CNTNAP2: variants seen among roughly 807,000 people sequenced by gnomAD.
CNTNAP2 encodes the protein contactin associated protein 2, also known as contactin-associated protein-like 2.
A neutral mutation model predicts 155.2 loss-of-function variants in CNTNAP2; 98 were observed. That is an observed-to-expected ratio of 0.63 (90% CI 0.54 to 0.75). The LOEUF is 0.75. Among genes scored for constraint, CNTNAP2 ranks in the 30% least tolerant of loss-of-function variants. The probability of loss-of-function intolerance (pLI) is 0.00; values close to 1 mark genes in which losing one functional copy is unlikely to be tolerated. For missense variants in CNTNAP2, 1,727 were observed against 1,688.1 expected (o/e 1.02, Z -0.40); for synonymous variants, 651 against 631.2 (o/e 1.03, Z -0.47).
chr7:146,586,369 G>A (rs564291269), intron 1 of CNTNAP2, among the ~76,000 whole-genome samples: 1 of 152,236 alleles, frequency 6.6e-6, no homozygotes, highest in African/African-American at 2.4e-5. Context: ...TAATCAAAGT[G>A]TAATAAATTA....
chr7:147,493,671 T>C (rs1798646653), intron 11 of CNTNAP2, among the ~76,000 whole-genome samples: 2 of 152,194 alleles, frequency 1.3e-5, no homozygotes, highest in African/African-American at 4.8e-5. Flanking sequence ...TTCACCAGGA[T>C]TGTGATCTAG....
At chr7:147,775,317 A>ATG (rs1797557671) in intron 13 of CNTNAP2, among the ~76,000 whole-genome samples, 1 of 43,060 alleles carries the variant, frequency 2.3e-5, no homozygotes, top group Non-Finnish European at 3.5e-5. Flanking sequence ...ATAAATATAT[A>ATG]TATATTTATA....
At chr7:148,057,183 C>T (rs1803032570) in intron 15 of CNTNAP2, among the ~76,000 whole-genome samples, 1 of 152,090 alleles carries the variant, frequency 6.6e-6, no homozygotes, top group Admixed American at 6.5e-5. Flanking sequence ...TCACAGGCGT[C>T]GTAAACCCTC....
intron 15 of CNTNAP2, among the ~76,000 whole-genome samples, chr7:148,051,007 C>T (rs1304510227): frequency 6.6e-6 from 1 of 152,152 alleles, no homozygotes; most frequent in Non-Finnish European, 1.5e-5. Context: ...GAGACACACT[C>T]CTCAGAATAC....
In CNTNAP2 at chr7:146,608,801, T is replaced by C. The variant is rs964543321; in HGVS notation, c.98-165470T>C. Among the ~76,000 whole-genome samples the C allele has an allele frequency of 3.3e-5, 5 of 152,172 alleles. No homozygotes were observed. The South Asian group carries it at 6.2e-4, about 19-fold the overall frequency. On this transcript the variant is annotated intron_variant, in intron 1 of 23. Transcript: ENST00000361727. ...TAACAATTTCATCTTTTTTGGGGGA[T>C]GATCTCCCTTTTTTCTGTGTATAAT... is the stretch of plus-strand genomic sequence containing the variant.
chr7:147,340,981 A>G (rs1210911822), intron 9 of CNTNAP2, among the ~76,000 whole-genome samples: 1 of 152,014 alleles, frequency 6.6e-6, no homozygotes, highest in East Asian at 1.9e-4. Flanking sequence ...CTAGGATTCC[A>G]TAAGAATTTG....
intron 13 of CNTNAP2, among the ~76,000 whole-genome samples, chr7:147,714,739 T>G (rs987448287): frequency 1.5e-4 from 23 of 152,086 alleles, no homozygotes; most frequent in Non-Finnish European, 3.1e-4. Context: ...TTTTATGCAG[T>G]TTATTAAATG....
chr7:146,992,042 G>C (rs1286853284), intron 3 of CNTNAP2, among the ~76,000 whole-genome samples: 1 of 152,072 alleles, frequency 6.6e-6, no homozygotes, highest in East Asian at 1.9e-4. Flanking sequence ...ACTGAGAAAT[G>C]GTACTATTAT....
chr7:147,070,124 A>G (rs1458656451), intron 4 of CNTNAP2, among the ~76,000 whole-genome samples: 3 of 152,230 alleles, frequency 2.0e-5, no homozygotes, highest in African/African-American at 7.2e-5. Flanking sequence ...GAAACAAAAT[A>G]GACTGGCTCA....
At chr7:147,620,589 G>A (rs1204245799) in intron 12 of CNTNAP2, among the ~76,000 whole-genome samples, 1 of 151,360 alleles carries the variant, frequency 6.6e-6, no homozygotes, top group African/African-American at 2.4e-5. Context: ...TTTGAAAAAG[G>A]TAATTGGCAT....
chr7:146,263,818 T>C (rs1584834541), intron 1 of CNTNAP2, among the ~76,000 whole-genome samples: 2 of 152,178 alleles, frequency 1.3e-5, no homozygotes, highest in African/African-American at 4.8e-5. Flanking sequence ...CATCTCAATG[T>C]TCACCCATTT....
chr7:146,736,117 T>A (rs1402378334), intron 1 of CNTNAP2, among the ~76,000 whole-genome samples: 1 of 152,100 alleles, frequency 6.6e-6, no homozygotes, highest in African/African-American at 2.4e-5. Flanking sequence ...TCATATGGCA[T>A]GTATATTGTA....
chr7:146,797,229 G>A (rs1468452466), intron 2 of CNTNAP2, among the ~76,000 whole-genome samples: 1 of 152,186 alleles, frequency 6.6e-6, no homozygotes, highest in Non-Finnish European at 1.5e-5. Context: ...TTAGTTTTCT[G>A]TTGGGACTAC....
intron 2 of CNTNAP2, among the ~76,000 whole-genome samples, chr7:146,815,918 C>A (rs1563243193): frequency 6.6e-6 from 1 of 152,164 alleles, no homozygotes; most frequent in Admixed American, 6.5e-5. Context: ...GCTCCCCCAA[C>A]CCCACAACGG....
chr7:147,980,476 C>T (rs1801502215), intron 15 of CNTNAP2, among the ~76,000 whole-genome samples: 1 of 152,102 alleles, frequency 6.6e-6, no homozygotes, highest in Admixed American at 6.5e-5. Flanking sequence ...AAAGCAAAAG[C>T]AGTCAACAGT....
intron 13 of CNTNAP2, among the ~76,000 whole-genome samples, chr7:147,811,983 G>T (rs754331522): frequency 1.3e-5 from 2 of 152,146 alleles, no homozygotes; most frequent in Non-Finnish European, 2.9e-5. Flanking sequence ...GTATAGAGTA[G>T]ATTAGAAGGA....
intron 8 of CNTNAP2, among the ~76,000 whole-genome samples, chr7:147,136,125 C>T (rs1801472805): frequency 3.3e-5 from 5 of 151,448 alleles, no homozygotes; most frequent in East Asian, 1.9e-4. Flanking sequence ...ACTCAGTTGT[C>T]GTCTGCCAAT....
chr7:147,046,594 G>C (rs1799360943), intron 4 of CNTNAP2, among the ~76,000 whole-genome samples: 1 of 151,882 alleles, frequency 6.6e-6, no homozygotes, highest in Non-Finnish European at 1.5e-5. Flanking sequence ...GACTTGGGGG[G>C]GTAATAACAA....
intron 17 of CNTNAP2, among the ~76,000 whole-genome samples, chr7:148,164,603 T>TTC (rs1201059262): frequency 3.9e-4 from 58 of 147,616 alleles, no homozygotes; most frequent in African/African-American, 5.8e-4. Context: ...GTGCTTTCTT[T>TTC]TCTCTCTCTT....
Sources: gnomAD v4.1 joint callset for allele counts (sites outside exome capture counted in the v4.1 genomes callset) on GRCh38, gnomAD v4.1.1 for gene constraint, MANE v1.5 for transcripts, NCBI Gene and HGNC (gene_info 2026-07-23, HGNC 2026-07-21) for gene names.